LARS2: variants seen among roughly 807,000 people sequenced by gnomAD.
The protein encoded by LARS2 is leucyl-tRNA synthetase 2, mitochondrial, also known as leucine--tRNA ligase, mitochondrial.
In LARS2, 81 loss-of-function variants were observed where a neutral mutation model predicts 116.6. The ratio of observed to expected loss-of-function variants is 0.69; its 90% CI spans 0.58 to 0.84. The LOEUF is 0.84. Ranked by LOEUF, LARS2 falls within the 40% of genes least tolerant of loss-of-function variation. The pLI, the probability that LARS2 is intolerant of heterozygous loss-of-function variation, is 0.00. For synonymous variants in LARS2, 396 were observed against 407.2 expected, an observed-to-expected ratio of 0.97 and a Z score of 0.33; for missense variants, 968 against 1,114.5, an observed-to-expected ratio of 0.87 and a Z score of 1.87.
At chr3:45,392,462 TTTTTGTA>T (rs1196731703) in intron 2 of LARS2, among the ~76,000 whole-genome samples, 1 of 151,980 alleles carries the variant, frequency 6.6e-6, no homozygotes, top group African/African-American at 2.4e-5. Context: ...GCCCAGCTAA[TTTTTGTA>T]TTTTTAGTAG....
chr3:45,404,137 A>G (rs1184094726), intron 4 of LARS2, among the ~76,000 whole-genome samples: 3 of 151,616 alleles, frequency 2.0e-5, no homozygotes, highest in African/African-American at 7.3e-5. Context: ...TGAAACCACT[A>G]TTTGTTATTT....
chr3:45,439,239 T>TTTTTA, intron 6 of LARS2, among the ~76,000 whole-genome samples: 1 of 103,888 alleles, frequency 9.6e-6, no homozygotes, highest in Non-Finnish European at 2.0e-5. Flanking sequence ...TTTTTTTTTT[T>TTTTTA]GAGACAGTGT....
intron 4 of LARS2, among the ~76,000 whole-genome samples, chr3:45,401,767 A>C (rs1394628986): frequency 1.3e-5 from 2 of 151,990 alleles, no homozygotes; most frequent in Non-Finnish European, 2.9e-5. Flanking sequence ...GGTGTGTGCC[A>C]CCACGCTCAG....
At chr3:45,456,929 T>A (rs923285013) in intron 7 of LARS2, among the ~76,000 whole-genome samples, 8 of 152,204 alleles carry the variant, frequency 5.3e-5, no homozygotes, top group African/African-American at 1.9e-4. Context: ...GACATGTCTC[T>A]GGATCAGTCA....
At chr3:45,425,350 G>C (rs1698576618) in intron 6 of LARS2, among the ~76,000 whole-genome samples, 1 of 152,192 alleles carries the variant, frequency 6.6e-6, no homozygotes, top group Admixed American at 6.5e-5. Flanking sequence ...GAGTGGAGTA[G>C]AAGCTGCCCT....
At chr3:45,506,303 A>C in intron 15 of LARS2, among the ~76,000 whole-genome samples, 1 of 152,008 alleles carries the variant, frequency 6.6e-6, no homozygotes, top group Non-Finnish European at 1.5e-5. Context: ...CTCCCGGTGC[A>C]TTACCTCTTT....
Position 45,513,169 on chromosome 3 carries a change from A to T in LARS2, c.1795A>T (p.Ile599Phe), listed in dbSNP as rs1336748553. ...TCATAAGCTGCTGGCCCAAGGCCTT[A>T]TCAAGGGGCAGACATTCCGCCTACC... ...PFHKLLAQGL[I>F]KGQTFRLPSG... Residue 599 changes from isoleucine to phenylalanine, a missense_variant, in exon 16 of 22, where the codon ATC (isoleucine) becomes TTC (phenylalanine). Physicochemically the swap from Ile to Phe is conservative, Grantham distance 21. Transcript: ENST00000645846. The T allele has an allele frequency of 6.2e-7, 1 of 1,613,808 alleles. No homozygotes were observed. The highest frequency in any genetic ancestry group is 2.2e-5 in the East Asian group (1 of 44,868).
intron 8 of LARS2, among the ~76,000 whole-genome samples, chr3:45,468,773 A>G (rs577653591): frequency 5.3e-5 from 8 of 152,344 alleles, no homozygotes; most frequent in Non-Finnish European, 8.8e-5. Context: ...GGCTGCTGCC[A>G]TACTTCCTGG....
intron 10 of LARS2, among the ~76,000 whole-genome samples, chr3:45,482,575 A>C (rs1184926129): frequency 6.6e-6 from 1 of 152,232 alleles, no homozygotes; most frequent in Non-Finnish European, 1.5e-5. Context: ...TAATACTTCA[A>C]GATCACTCTA....
chr3:45,465,467 G>T lies in LARS2; in HGVS notation c.750+6581G>T, dbSNP rs146201523. Among the ~76,000 whole-genome samples the T allele has an allele frequency of 6.2e-3, 941 of 152,346 alleles. 3 individuals are homozygous for T. Among genetic ancestry groups the T allele is most frequent in the Non-Finnish European group, 8.8e-3 (599 of 68,024 alleles). On this transcript the variant is annotated intron_variant, in intron 8 of 21. Transcript: ENST00000645846. ...GGATGGGACTGGGCAGGGGTAGGAA[G>T]GGCACAGAGGCCACAGAAAAGTAGA...
chr3:45,474,740 G>A (rs868004266), intron 9 of LARS2, among the ~76,000 whole-genome samples: 12 of 152,194 alleles, frequency 7.9e-5, no homozygotes, highest in Non-Finnish European at 1.8e-4. Flanking sequence ...CACAGACACA[G>A]AGGGTCTTCA....
chr3:45,501,821 C>T lies in LARS2; in HGVS notation c.1760+1242C>T, dbSNP rs74336567. ...AGAAATGAGGGATCCGATCACTCTA[C>T]GTCGTCATCAACATTTTGTACTATC... On this transcript the variant is annotated intron_variant, in intron 15 of 21. Coordinates refer to ENST00000645846, the MANE Select transcript of LARS2 (RefSeq NM_015340.4). Among the ~76,000 whole-genome samples the T allele has an allele frequency of 2.9e-3, 437 of 149,842 alleles. 7 individuals carry two copies. Among genetic ancestry groups the T allele is most frequent in the African/African-American group, 9.9e-3 (412 of 41,428 alleles).
chr3:45,452,820 A>T (rs898703107), intron 7 of LARS2, among the ~76,000 whole-genome samples: 2 of 152,096 alleles, frequency 1.3e-5, no homozygotes, highest in Non-Finnish European at 2.9e-5. Context: ...TCTTTGATGG[A>T]GGACTTTATA....
intron 21 of LARS2, among the ~76,000 whole-genome samples, chr3:45,546,509 T>G (rs1352475993): frequency 6.6e-6 from 1 of 152,180 alleles, no homozygotes; most frequent in African/African-American, 2.4e-5. Flanking sequence ...AAAAATGAAG[T>G]GGGTGATTAG....
chr3:45,394,201 T>A (rs1019069309), intron 2 of LARS2, among the ~76,000 whole-genome samples: 1 of 152,256 alleles, frequency 6.6e-6, no homozygotes, highest in Admixed American at 6.5e-5. Flanking sequence ...CTCCATTTTT[T>A]CCTACAGGAT....
At chr3:45,415,591 T>G (rs1337555768) in intron 4 of LARS2, among the ~76,000 whole-genome samples, 1 of 152,110 alleles carries the variant, frequency 6.6e-6, no homozygotes, top group East Asian at 1.9e-4. Context: ...CTCACTCCTG[T>G]AATCCCAGCA....
At chr3:45,505,969 A>G (rs1700195648) in intron 15 of LARS2, among the ~76,000 whole-genome samples, 1 of 152,104 alleles carries the variant, frequency 6.6e-6, no homozygotes, top group Admixed American at 6.6e-5. Context: ...GCAGTTTCAA[A>G]TATGACTTTG....
In LARS2 at chr3:45,435,228, C is replaced by G. The variant is rs536977598; in HGVS notation, c.517-11663C>G. On this transcript the variant is annotated intron_variant, in intron 6 of 21. Transcript: ENST00000645846. ...TTTTATCAAGGAGAGGGAGGTGTAC[C>G]TCATTCCTGCTAGTTGGGGGTAGGA... 1.4e-4 allele frequency among the ~76,000 whole-genome samples: 22 copies of G among 152,218 alleles called. No homozygotes were observed. The East Asian group carries it at 4.3e-3, about 29-fold the overall frequency.
intron 17 of LARS2, among the ~76,000 whole-genome samples, chr3:45,517,074 G>C (rs6777394): frequency 0.033 from 5,034 of 152,302 alleles, 254 homozygotes; most frequent in African/African-American, 0.11. Context: ...GCTGTGGCTA[G>C]TGGGAAGTGT....
Sources: gnomAD v4.1 joint callset for allele counts (sites outside exome capture counted in the v4.1 genomes callset) on GRCh38, gnomAD v4.1.1 for gene constraint, MANE v1.5 for transcripts, NCBI Gene and HGNC (gene_info 2026-07-23, HGNC 2026-07-21) for gene names.